DOK6: variants seen among roughly 807,000 people sequenced by gnomAD.
DOK6 encodes the protein docking protein 6.
A neutral mutation model predicts 44.0 loss-of-function variants in DOK6; 22 were observed. That is an observed-to-expected ratio of 0.50 (90% CI 0.36 to 0.71). The LOEUF (loss-of-function observed/expected upper bound fraction) is 0.71, where lower values mean the gene tolerates loss of function less well. Ranked by LOEUF, DOK6 falls within the 30% of genes least tolerant of loss-of-function variation. DOK6 has a pLI of 0.00. For missense variants in DOK6, 340 were observed against 416.4 expected (o/e 0.82, Z 1.60); for synonymous variants, 166 against 145.5 (o/e 1.14, Z -1.01).
At chr18:69,417,660 A>T (rs898739318) in intron 1 of DOK6, among the ~76,000 whole-genome samples, 1 of 151,966 alleles carries the variant, frequency 6.6e-6, no homozygotes, top group Non-Finnish European at 1.5e-5. Flanking sequence ...GATGGAAATA[A>T]TTTTTATTTC....
intron 1 of DOK6, among the ~76,000 whole-genome samples, chr18:69,487,175 ATATGTGTGTGTGTGTG>A (rs1980600989): frequency 9.8e-6 from 1 of 102,504 alleles, no homozygotes; most frequent in African/African-American, 3.5e-5. Context: ...CACTGATAGG[ATATGTGTGTGTGTGTG>A]TGTGTGTGTG....
intron 1 of DOK6, among the ~76,000 whole-genome samples, chr18:69,402,160 C>T (rs942394218): frequency 4.6e-5 from 7 of 151,962 alleles, no homozygotes; most frequent in South Asian, 2.1e-4. Flanking sequence ...CCCTGGGGAG[C>T]GCGCGATGTA....
chr18:69,703,269 A>G (rs556601752), intron 5 of DOK6, among the ~76,000 whole-genome samples: 1 of 152,352 alleles, frequency 6.6e-6, no homozygotes, highest in Admixed American at 6.5e-5. Context: ...CTTTGTAATT[A>G]AAACCCAATT....
intron 1 of DOK6, among the ~76,000 whole-genome samples, chr18:69,485,497 A>C (rs1980549715): frequency 6.6e-6 from 1 of 152,154 alleles, no homozygotes; most frequent in South Asian, 2.1e-4. Context: ...AAGAGGGCAT[A>C]GGATATCCTG....
intron 7 of DOK6, among the ~76,000 whole-genome samples, chr18:69,806,987 T>A (rs1267176308): frequency 6.6e-6 from 1 of 151,986 alleles, no homozygotes; most frequent in Non-Finnish European, 1.5e-5. Context: ...ATCTAAAATG[T>A]CAGGTTACAT....
intron 1 of DOK6, among the ~76,000 whole-genome samples, chr18:69,457,453 T>C (rs1310043267): frequency 6.6e-6 from 1 of 151,852 alleles, no homozygotes; most frequent in Non-Finnish European, 1.5e-5. Context: ...TAGGTGTGCA[T>C]TTTTATTTCT....
intron 3 of DOK6, among the ~76,000 whole-genome samples, chr18:69,624,793 T>C (rs1480233577): frequency 6.6e-6 from 1 of 152,164 alleles, no homozygotes; most frequent in Non-Finnish European, 1.5e-5. Flanking sequence ...AAGCCAATTC[T>C]TTCCTAATTT....
At position 69,817,285 on chromosome 18, in the gene DOK6, G is replaced by A. The variant is rs142718372; in HGVS notation, c.857-23959G>A. Among the ~76,000 whole-genome samples, 50 of 152,058 alleles carry A rather than the reference G, an allele frequency of 3.3e-4. No individual in the cohort carries two copies. The East Asian group carries it at 8.7e-3, about 26-fold the overall frequency. On this transcript the variant is annotated intron_variant, in intron 7 of 7. Coordinates refer to ENST00000382713, the MANE Select transcript of DOK6 (RefSeq NM_152721.6). The stretch of plus-strand genomic sequence containing the variant: ...GTTTCAACTTTATTTAGTGAAAGAA[G>A]TCCATTTTTCTTCTTACTTAAAAAA...
intron 1 of DOK6, among the ~76,000 whole-genome samples, chr18:69,506,891 A>ACG (rs397795525): frequency 6.6e-6 from 1 of 151,736 alleles, no homozygotes; most frequent in Non-Finnish European, 1.5e-5. Flanking sequence ...ACACACACAC[A>ACG]TATGTACATA....
At chr18:69,605,863 CA>C (rs1327148977) in intron 3 of DOK6, among the ~76,000 whole-genome samples, 1 of 152,098 alleles carries the variant, frequency 6.6e-6, no homozygotes, top group African/African-American at 2.4e-5. Flanking sequence ...CTGTGCAAGA[CA>C]GTTCTGGAAG....
At chr18:69,513,707 G>A (rs769167608) in intron 1 of DOK6, among the ~76,000 whole-genome samples, 3 of 152,178 alleles carry the variant, frequency 2.0e-5, no homozygotes, top group Non-Finnish European at 4.4e-5. Context: ...TACAGGTGGT[G>A]TGACAGTAAT....
intron 3 of DOK6, among the ~76,000 whole-genome samples, chr18:69,624,657 A>G (rs1012225007): frequency 1.3e-5 from 2 of 152,116 alleles, no homozygotes; most frequent in African/African-American, 4.8e-5. Context: ...TAGGAGCCAG[A>G]TTTTTGAATT....
chr18:69,839,896 A>G (rs1302090085), intron 7 of DOK6, among the ~76,000 whole-genome samples: 1 of 152,244 alleles, frequency 6.6e-6, no homozygotes, highest in Non-Finnish European at 1.5e-5. Context: ...TGACGTGGAC[A>G]GCAACAGAAT....
At chr18:69,743,936 G>A (rs944952720) in intron 6 of DOK6, among the ~76,000 whole-genome samples, 7 of 152,016 alleles carry the variant, frequency 4.6e-5, no homozygotes, top group East Asian at 3.9e-4. Context: ...CTGTTGAAAC[G>A]CCAGGAAGAT....
At chr18:69,664,044 T>C (rs1985595404) in intron 3 of DOK6, among the ~76,000 whole-genome samples, 1 of 152,226 alleles carries the variant, frequency 6.6e-6, no homozygotes, top group African/African-American at 2.4e-5. Flanking sequence ...AAATGCTGTG[T>C]GATGTTTGGA....
At chr18:69,778,309 G>T (rs941387082) in intron 7 of DOK6, among the ~76,000 whole-genome samples, 6 of 152,134 alleles carry the variant, frequency 3.9e-5, no homozygotes, top group Non-Finnish European at 8.8e-5. Flanking sequence ...TGCCGAGATG[G>T]GTTGAGATGC....
intron 7 of DOK6, among the ~76,000 whole-genome samples, chr18:69,759,491 AAGT>A (rs1466801200): frequency 2.0e-5 from 3 of 152,218 alleles, no homozygotes; most frequent in African/African-American, 7.2e-5. Flanking sequence ...AATAGGTCAG[AAGT>A]AGTATAATAA....
At chr18:69,796,663 G>A (rs111306413) in intron 7 of DOK6, among the ~76,000 whole-genome samples, 15 of 152,300 alleles carry the variant, frequency 9.8e-5, no homozygotes, top group Admixed American at 2.6e-4. Flanking sequence ...CATCATGAAT[G>A]AATTTAAAAA....
At chr18:69,469,809 C>G (rs868194521) in intron 1 of DOK6, 125 of 227,952 alleles carry the variant, frequency 5.5e-4, no homozygotes, top group African/African-American at 2.4e-3. Flanking sequence ...CAGAGGCGCC[C>G]CCACTGTCTC....
Sources: allele counts gnomAD v4.1 joint callset (sites outside exome capture counted in the v4.1 genomes callset), GRCh38; gene constraint gnomAD v4.1.1; transcripts MANE v1.5; gene names NCBI Gene and HGNC (gene_info 2026-07-23, HGNC 2026-07-21).